Variants in MPRIP observed in about 807,000 individuals in gnomAD.
The protein encoded by MPRIP is myosin phosphatase Rho interacting protein.
MPRIP carries 59 observed loss-of-function variants against 234.9 expected under a neutral mutation model. The observed-to-expected ratio is 0.25, with a 90% confidence interval of 0.20 to 0.31. The LOEUF is 0.31. MPRIP is among the 10% of genes least tolerant of loss of function. The pLI is 1.00. For missense variants in MPRIP, 2,436 were observed against 3,071.0 expected (o/e 0.79, Z 4.89); for synonymous variants, 1,144 against 1,263.9 (o/e 0.91, Z 2.01).
At chr17:17,150,023 T>A in intron 11 of MPRIP, 121 bp from the exon 12 acceptor site, 1 of 726,074 alleles carries the variant, frequency 1.4e-6, no homozygotes, top group Non-Finnish European at 2.5e-6. Context: ...GTGTCCTCAC[T>A]TGTCAGTGTG....
At chr17:17,102,339 T>C (rs1457833822) in intron 3 of MPRIP, among the ~76,000 whole-genome samples, 2 of 152,216 alleles carry the variant, frequency 1.3e-5, no homozygotes, top group Admixed American at 6.5e-5. Flanking sequence ...TTGTACTCTA[T>C]GTTGTGCCAG....
chr17:17,052,107 T>C (rs895665380), intron 1 of MPRIP, among the ~76,000 whole-genome samples: 3 of 151,640 alleles, frequency 2.0e-5, no homozygotes, highest in Admixed American at 1.3e-4. Context: ...GTTTTCAGAG[T>C]GGTTGAGCGG....
chr17:17,119,122 C>T (rs950477522), intron 3 of MPRIP, among the ~76,000 whole-genome samples: 1 of 152,216 alleles, frequency 6.6e-6, no homozygotes, highest in East Asian at 1.9e-4. Context: ...AGCTGGTGCT[C>T]CCCAAGGGCT....
chr17:17,068,487 G>A (rs891139745), intron 1 of MPRIP, among the ~76,000 whole-genome samples: 6 of 151,682 alleles, frequency 4.0e-5, no homozygotes, highest in African/African-American at 1.2e-4. Context: ...CAAAGAACCA[G>A]CTCTTTGTTT....
Position 17,190,192 on chromosome 17 carries a change from A to T in MPRIP, c.*5298A>T, listed in dbSNP as rs2046559613. 1 of 152,196 alleles carries T rather than the reference A, an allele frequency of 6.6e-6. No homozygotes were observed. The highest frequency in any genetic ancestry group is 2.4e-5 in the African/African-American group (1 of 41,440). 9.4% of individuals were successfully genotyped at this position (152,196 alleles called of 1,614,324 possible). On this transcript the variant is annotated 3_prime_UTR_variant, in exon 24 of 24. Transcript: ENST00000651222. ...CTCCATGCCACCACCCACTTTAAAG[A>T]TGTAAACTCAGTAGATTTTTCATCC...
rs566838579 is a variant in MPRIP, at chr17:17,152,315, A to G, written c.1720-1991A>G. Among the ~76,000 whole-genome samples, 407 of 152,354 alleles carry G rather than the reference A, an allele frequency of 2.7e-3. 1 individual carries two copies. Among genetic ancestry groups the G allele is most frequent in the Middle Eastern group, 0.014 (4 of 294 alleles). ...CCTCCTCTCCTGCCGTCCACCTCCC[A>G]TCTTCATGAGCAGCTTTCTCCAGGC... On this transcript the variant is annotated intron_variant, in intron 12 of 23. Coordinates refer to ENST00000651222, the MANE Select transcript of MPRIP (RefSeq NM_001364716.4).
intron 6 of MPRIP, among the ~76,000 whole-genome samples, chr17:17,137,529 A>G (rs953834035): frequency 1.3e-5 from 2 of 149,350 alleles, no homozygotes; most frequent in African/African-American, 4.9e-5. Context: ...AAAAAAAAAA[A>G]TACTGAAGGG....
intron 1 of MPRIP, among the ~76,000 whole-genome samples, chr17:17,062,012 G>A (rs1276177160): frequency 1.3e-5 from 2 of 151,860 alleles, no homozygotes; most frequent in Non-Finnish European, 2.9e-5. Context: ...AGGAGTATGT[G>A]TATTTTTCTA....
At chr17:17,137,818 C>A in intron 6 of MPRIP, 98 bp from the exon 7 acceptor site, 1 of 1,097,092 alleles carries the variant, frequency 9.1e-7, no homozygotes, top group Non-Finnish European at 1.3e-6. Flanking sequence ...TGGAGAAGGC[C>A]CCTGCTTGGA....
rs1376252576 is a variant in MPRIP at position 17,158,434 on chromosome 17, C to T, written c.1832C>T (p.Ser611Leu). The change falls in exon 14 of 24, where the codon TCG becomes TTG. Residue 611 changes from serine to leucine, a missense_variant and splice_region_variant. Coordinates refer to ENST00000651222, the MANE Select transcript of MPRIP (RefSeq NM_001364716.4). ...HPTTAPDVTS[S>L]LPEEKNKSSC... Reference sequence around the variant, plus strand: ...ATGTCCATCCTCCTGCCCCACAGCTCGTTGCCAGAGGAAAAAAACAAGAGC... The same window carrying T: ...ATGTCCATCCTCCTGCCCCACAGCTTGTTGCCAGAGGAAAAAAACAAGAGC... 36 of 1,558,142 alleles carry T rather than the reference C, an allele frequency of 2.3e-5. No individual in the cohort carries two copies. The highest frequency in any genetic ancestry group is 2.9e-5 in the Non-Finnish European group (33 of 1,152,190).
chr17:17,057,554 C>T (rs2082291287), intron 1 of MPRIP: 2 of 715,812 alleles, frequency 2.8e-6, no homozygotes, highest in Non-Finnish European at 5.2e-6. Flanking sequence ...CCCCAGAGGA[C>T]CTTGGGGTCA....
chr17:17,086,963 C>T (rs1416080478), intron 3 of MPRIP, among the ~76,000 whole-genome samples: 2 of 152,122 alleles, frequency 1.3e-5, no homozygotes, highest in Admixed American at 1.3e-4. Context: ...CCGGGAAGGG[C>T]TTGGGACCCA....
intron 16 of MPRIP, among the ~76,000 whole-genome samples, chr17:17,170,605 A>G (rs16961393): frequency 2.0e-5 from 3 of 152,234 alleles, no homozygotes; most frequent in Non-Finnish European, 2.9e-5. Flanking sequence ...TTGAATCCAC[A>G]TGCAAGAAGA....
At position 17,064,436 on chromosome 17, in the gene MPRIP, T is replaced by C. The variant is rs1165406180; in HGVS notation, c.124-11274T>C. Among the ~76,000 whole-genome samples the C allele has an allele frequency of 3.3e-5, 5 of 152,264 alleles. No individual in the cohort carries two copies. In the Middle Eastern group the frequency reaches 0.01, roughly 311 times the overall value. ...GTTGTAACAAATAACAGAGATCCCA[T>C]GTACCCCTTTGCCCAGGTCCTCCGA... On this transcript the variant is annotated intron_variant, in intron 1 of 23. Coordinates refer to ENST00000651222, the MANE Select transcript of MPRIP (RefSeq NM_001364716.4).
At position 17,077,752 on chromosome 17, in the gene MPRIP, T is replaced by TA. The variant is rs10560581; in HGVS notation, c.202-240dup. 6.1e-3 allele frequency: 1,873 copies of TA among 306,400 alleles called. 28 individuals are homozygous for TA. The highest frequency in any genetic ancestry group is 0.023 in the African/African-American group (1,017 of 43,644). The allele number at this position is 306,400 out of a possible 1,614,324, so 19.0% of individuals were successfully genotyped here. A position where few individuals can be genotyped will look rare whatever the true frequency, so the allele number is the denominator to read the frequency against. On this transcript the variant is annotated intron_variant, in intron 2 of 23. Transcript: ENST00000651222. ...CTGCTCCTGAGGAGCTTCCAAGTGT[T>TA]AAAAAAAAAAAAAAAAAAAGACTTC...
chr17:17,155,654 T>C (rs2045712816), intron 13 of MPRIP, among the ~76,000 whole-genome samples: 1 of 152,280 alleles, frequency 6.6e-6, no homozygotes, highest in South Asian at 2.1e-4. Context: ...CTCTTTTCTG[T>C]GTCTGTCATT....
At position 17,158,479 on chromosome 17, in the gene MPRIP, G is replaced by A. The variant is rs1157906083; in HGVS notation, c.1877G>A (p.Cys626Tyr). 6.2e-7 allele frequency: 1 copy of A among 1,606,920 alleles called. No individual in the cohort carries two copies. Among genetic ancestry groups the A allele is most frequent in the African/African-American group, 1.3e-5 (1 of 74,666 alleles). Residue 626 changes from cysteine (C) to tyrosine (Y), a missense_variant, in exon 14 of 24, where the codon TGC (cysteine) becomes TAC (tyrosine). Transcript: ENST00000651222. ...KNKSSCSFET[C>Y]PRPTEKQEAE... Reference sequence around the variant, plus strand: ...AAGAGCAGCTGCTCTTTTGAGACCTGCCCGAGGCCTACTGAGAAGCAAGAG... The same window carrying A: ...AAGAGCAGCTGCTCTTTTGAGACCTACCCGAGGCCTACTGAGAAGCAAGAG...
chr17:17,139,825 C>A (rs2090776460), intron 7 of MPRIP, among the ~76,000 whole-genome samples: 1 of 152,210 alleles, frequency 6.6e-6, no homozygotes, highest in Non-Finnish European at 1.5e-5. Context: ...GGAAGGGCAG[C>A]CAAGTGGTTC....
chr17:17,120,414 T>C (rs1040427540), intron 3 of MPRIP, among the ~76,000 whole-genome samples: 13 of 152,172 alleles, frequency 8.5e-5, no homozygotes, highest in African/African-American at 2.9e-4. Flanking sequence ...TCTGACAAGA[T>C]GCCCTGGCTG....
Sources: allele counts gnomAD v4.1 joint callset (sites outside exome capture counted in the v4.1 genomes callset), GRCh38; gene constraint gnomAD v4.1.1; transcripts MANE v1.5; gene names NCBI Gene and HGNC (gene_info 2026-07-23, HGNC 2026-07-21).